The following ELP4 variants were observed in gnomAD, a reference collection of about 807,000 sequenced individuals.
The protein encoded by ELP4 is elongator complex protein 4.
ELP4 carries 51 observed loss-of-function variants against 48.9 expected under a neutral mutation model. That is an observed-to-expected ratio of 1.04 (90% confidence interval 0.83 to 1.32). The LOEUF (loss-of-function observed/expected upper bound fraction) is 1.32, where lower values mean the gene tolerates loss of function less well. Ranked by LOEUF, ELP4 falls within the 40% of genes most tolerant of loss-of-function variation. The pLI, the probability that ELP4 is intolerant of heterozygous loss-of-function variation, is 0.00. For missense variants in ELP4, 519 were observed against 514.6 expected, an observed-to-expected ratio of 1.01 and a Z score of -0.08; for synonymous variants, 210 against 189.2, an observed-to-expected ratio of 1.11 and a Z score of -0.90.
intron 2 of ELP4, among the ~76,000 whole-genome samples, chr11:31,536,181 GT>G (rs1244003207): frequency 6.6e-6 from 1 of 150,940 alleles, no homozygotes; most frequent in African/African-American, 2.4e-5. Context: ...CATTTTATTT[GT>G]TTTCAGTTTT....
At chr11:31,584,566 T>C (rs1239126334) in intron 3 of ELP4, among the ~76,000 whole-genome samples, 1 of 152,142 alleles carries the variant, frequency 6.6e-6, no homozygotes, top group Admixed American at 6.5e-5. Context: ...TTTGCTTTTG[T>C]TGCCCAGGCT....
chr11:31,605,015 A>G (rs1957848537), intron 5 of ELP4, among the ~76,000 whole-genome samples: 1 of 152,056 alleles, frequency 6.6e-6, no homozygotes, highest in Non-Finnish European at 1.5e-5. Flanking sequence ...TTTCTAGAAG[A>G]TACTGAAATT....
At chr11:31,521,670 A>G (rs1032170719) in intron 2 of ELP4, among the ~76,000 whole-genome samples, 2 of 152,142 alleles carry the variant, frequency 1.3e-5, no homozygotes, top group Admixed American at 1.3e-4. Flanking sequence ...TCAAAGTTGC[A>G]GCACTGTAAA....
At chr11:31,519,312 A>C (rs939575609) in intron 1 of ELP4, among the ~76,000 whole-genome samples, 1 of 152,230 alleles carries the variant, frequency 6.6e-6, no homozygotes, top group South Asian at 2.1e-4. Context: ...AGTCTTACTA[A>C]ATTTGAAGAT....
chr11:31,664,159 A>G (rs1183754199), intron 9 of ELP4: 1 of 152,130 alleles, frequency 6.6e-6, no homozygotes, highest in Non-Finnish European at 1.5e-5. Flanking sequence ...TTTATAATAA[A>G]CAGATTACTC....
chr11:31,591,103 G>A (rs1957561441), intron 3 of ELP4, among the ~76,000 whole-genome samples: 1 of 151,986 alleles, frequency 6.6e-6, no homozygotes, highest in Non-Finnish European at 1.5e-5. Flanking sequence ...AAGATAAACA[G>A]CCCAATTTAA....
intron 1 of ELP4, chr11:31,512,397 A>T (rs1042135460): frequency 1.4e-4 from 22 of 152,204 alleles, no homozygotes; most frequent in Admixed American, 1.4e-3. Context: ...GCTAATTGTT[A>T]GTCATTTGAT....
intron 9 of ELP4, among the ~76,000 whole-genome samples, chr11:31,746,761 A>T (rs899880797): frequency 1.3e-5 from 2 of 152,036 alleles, no homozygotes; most frequent in Non-Finnish European, 2.9e-5. Context: ...GGGGGGAGGG[A>T]TAGCATTAGG....
intron 3 of ELP4, among the ~76,000 whole-genome samples, chr11:31,571,316 T>C (rs1957190703): frequency 1.3e-5 from 2 of 152,196 alleles, no homozygotes; most frequent in Non-Finnish European, 1.5e-5. Flanking sequence ...TTTTTTCTTG[T>C]CCAGAAGTAC....
intron 2 of ELP4, among the ~76,000 whole-genome samples, chr11:31,529,221 G>A (rs973127642): frequency 1.3e-5 from 2 of 151,998 alleles, no homozygotes; most frequent in African/African-American, 4.8e-5. Flanking sequence ...GCTATTTGCT[G>A]TTTTTTAACC....
intron 4 of ELP4, among the ~76,000 whole-genome samples, chr11:31,597,857 G>A (rs1239911979): frequency 1.3e-5 from 2 of 151,786 alleles, no homozygotes; most frequent in African/African-American, 4.8e-5. Context: ...GTGAGCCACT[G>A]CACCCAGCTG....
chr11:31,569,746 A>G (rs895947376), intron 3 of ELP4, among the ~76,000 whole-genome samples: 4 of 152,158 alleles, frequency 2.6e-5, no homozygotes, highest in Non-Finnish European at 5.9e-5. Flanking sequence ...AGACATACAA[A>G]TGGCCAACAA....
intron 9 of ELP4, among the ~76,000 whole-genome samples, chr11:31,670,766 A>G (rs1404234650): frequency 6.6e-6 from 1 of 152,046 alleles, no homozygotes; most frequent in Non-Finnish European, 1.5e-5. Context: ...AACCATTTTT[A>G]TATTTTTTAG....
intron 3 of ELP4, among the ~76,000 whole-genome samples, chr11:31,543,746 T>C (rs188645058): frequency 6.6e-6 from 1 of 152,338 alleles, no homozygotes; most frequent in African/African-American, 2.4e-5. Context: ...AGCCAACTTT[T>C]AGGCAATACA....
intron 9 of ELP4, among the ~76,000 whole-genome samples, chr11:31,748,810 C>T (rs1208258376): frequency 6.6e-6 from 1 of 151,920 alleles, no homozygotes; most frequent in East Asian, 1.9e-4. Flanking sequence ...TCAAGACCAG[C>T]CTGGTGGACA....
chr11:31,768,507 A>T (rs997794585), intron 9 of ELP4, among the ~76,000 whole-genome samples: 5 of 152,276 alleles, frequency 3.3e-5, no homozygotes, highest in Non-Finnish European at 7.3e-5. Context: ...AGCTAATACA[A>T]TATGACAAAA....
chr11:31,631,190 T>C (rs1944853636), intron 6 of ELP4, among the ~76,000 whole-genome samples: 1 of 152,138 alleles, frequency 6.6e-6, no homozygotes, highest in African/African-American at 2.4e-5. Flanking sequence ...ATTTGTAATA[T>C]CAGGGAAATA....
Position 31,726,505 on chromosome 11 carries a change from A to G in ELP4, c.1144-56888A>G, listed in dbSNP as rs570162527. Among the ~76,000 whole-genome samples the G allele has an allele frequency of 2.8e-4, 42 of 152,316 alleles. 1 individual carries two copies. Among genetic ancestry groups the G allele is most frequent in the South Asian group, 2.5e-3 (12 of 4,830 alleles). On this transcript the variant is annotated intron_variant, in intron 9 of 9. Coordinates refer to ENST00000640961, the MANE Select transcript of ELP4 (RefSeq NM_019040.5). ...GGAGAGGATATGCCAGCATGTTCCA[A>G]ATGCCTGCTGTGTAACGCTAATTCT... is the stretch of plus-strand genomic sequence containing the variant.
intron 9 of ELP4, chr11:31,650,789 A>T (rs1945303371): frequency 6.6e-6 from 1 of 151,762 alleles, no homozygotes; most frequent in Non-Finnish European, 1.5e-5. Context: ...ATTTCAACTT[A>T]ATCTTCCTAA....
Sources: gnomAD v4.1 joint callset for allele counts (sites outside exome capture counted in the v4.1 genomes callset) on GRCh38, gnomAD v4.1.1 for gene constraint, MANE v1.5 for transcripts, NCBI Gene and HGNC (gene_info 2026-07-23, HGNC 2026-07-21) for gene names.